Variants in KIF3B observed in about 807,000 individuals in gnomAD.
KIF3B encodes kinesin family member 3B.
KIF3B carries 38 observed loss-of-function variants against 74.3 expected under a neutral mutation model. The observed-to-expected ratio is 0.51, with a 90% CI of 0.39 to 0.67. The LOEUF (loss-of-function observed/expected upper bound fraction) is 0.67, where lower values mean the gene tolerates loss of function less well. KIF3B is among the 30% of genes least tolerant of loss of function. The pLI, the probability that KIF3B is intolerant of heterozygous loss-of-function variation, is 0.00. For synonymous variants in KIF3B, 326 were observed against 342.5 expected (o/e 0.95, Z 0.53); for missense variants, 649 against 932.0 (o/e 0.70, Z 3.95).
intron 1 of KIF3B, among the ~76,000 whole-genome samples, chr20:32,290,493 A>G (rs1391860914): frequency 7.2e-5 from 11 of 152,162 alleles, no homozygotes; most frequent in Admixed American, 6.6e-4. Flanking sequence ...AGGTTTTGCT[A>G]TGGCCCTCTG....
intron 1 of KIF3B, among the ~76,000 whole-genome samples, chr20:32,295,344 G>C (rs1208459345): frequency 6.6e-6 from 1 of 151,774 alleles, no homozygotes; most frequent in Non-Finnish European, 1.5e-5. Flanking sequence ...CCAGGCTGGA[G>C]TGCAGTGGTG....
Position 32,310,616 on chromosome 20 carries a change from C to T in KIF3B, c.839C>T (p.Ser280Phe). 1.2e-6 allele frequency: 2 copies of T among 1,614,156 alleles called. No individual in the cohort carries two copies. The highest frequency in any genetic ancestry group is 1.7e-6 in the Non-Finnish European group (2 of 1,180,030). The change falls in exon 2 of 9, where the codon TCT becomes TTT. Residue 280 changes from serine to phenylalanine, a missense_variant. Physicochemically the swap from Ser to Phe is radical, Grantham distance 155. Transcript: ENST00000375712. This position sits in a 1 kb window ranked among gnomAD's most constrained non-coding sequence, Gnocchi z 6.5. ...LSLSALGNVI[S>F]ALVDGKSTHI... ...CTTTCCGCTTTGGGTAATGTCATCT[C>T]TGCTCTAGTGGACGGCAAAAGCACT...
At chr20:32,313,262 T>G (rs538504249) in intron 2 of KIF3B, among the ~76,000 whole-genome samples, 85 of 152,262 alleles carry the variant, frequency 5.6e-4, no homozygotes, top group African/African-American at 2.0e-3. Context: ...AAAGGTAGAC[T>G]TGGAAGGCTG....
intron 1 of KIF3B, among the ~76,000 whole-genome samples, chr20:32,285,440 TTC>T (rs2047663179): frequency 6.6e-6 from 1 of 152,220 alleles, no homozygotes; most frequent in Non-Finnish European, 1.5e-5. Context: ...TGCCTCAGTT[TTC>T]TCTCTCTGCC....
chr20:32,292,669 G>A (rs376231310), intron 1 of KIF3B, among the ~76,000 whole-genome samples: 1 of 151,622 alleles, frequency 6.6e-6, no homozygotes, highest in African/African-American at 2.4e-5. Flanking sequence ...GAGGTGGGAC[G>A]ATTGCTTGAG....
chr20:32,292,203 T>C lies in KIF3B; in HGVS notation c.-66+14438T>C, dbSNP rs1364719848. ...ATCCTCCCACCTCAGCCTCCCAAAG[T>C]GCTGGGATTATGGGTGGTGAACCAC... On this transcript the variant is annotated intron_variant, in intron 1 of 8. Transcript: ENST00000375712. 3.9e-5 allele frequency among the ~76,000 whole-genome samples: 6 copies of C among 152,070 alleles called. No individual in the cohort carries two copies. In the South Asian group the frequency reaches 1.2e-3, roughly 31 times the overall value.
At position 32,319,048 on chromosome 20, in the gene KIF3B, C is replaced by G. The variant is rs932082580; in HGVS notation, c.1748+2174C>G. On this transcript the variant is annotated intron_variant, in intron 5 of 8. Coordinates refer to ENST00000375712, the MANE Select transcript of KIF3B (RefSeq NM_004798.4). Reference sequence around the variant, plus strand: ...CAGTCTCAGCACACTGCAACCTCCACCTCCTGGGCTCAAGCGATCCTCCCA... The same window carrying G: ...CAGTCTCAGCACACTGCAACCTCCAGCTCCTGGGCTCAAGCGATCCTCCCA... Among the ~76,000 whole-genome samples, 204 of 151,986 alleles carry G rather than the reference C, an allele frequency of 1.3e-3. 1 individual carries two copies. Among genetic ancestry groups the G allele is most frequent in the African/African-American group, 4.9e-3 (202 of 41,422 alleles).
At chr20:32,316,468 G>A in intron 3 of KIF3B, 59 bp from the exon 4 acceptor site, 4 of 1,607,012 alleles carry the variant, frequency 2.5e-6, no homozygotes, top group Non-Finnish European at 3.4e-6. Context: ...CCTAGCTTGG[G>A]GAACCCAGCA....
At chr20:32,318,736 A>G (rs927234091) in intron 5 of KIF3B, among the ~76,000 whole-genome samples, 2 of 152,220 alleles carry the variant, frequency 1.3e-5, no homozygotes, top group Admixed American at 6.5e-5. Context: ...GTTTATATAC[A>G]TTCCGATTAT....
chr20:32,316,181 C>T (rs775607908), intron 2 of KIF3B, 37 bp from the exon 3 acceptor site: 25 of 1,194,978 alleles, frequency 2.1e-5, no homozygotes, highest in Admixed American at 6.8e-5. Flanking sequence ...TGAGAGAAAC[C>T]GTTCATGAGA....
intron 1 of KIF3B, among the ~76,000 whole-genome samples, chr20:32,280,714 C>CAAAAAAAA (rs34366324): frequency 1.2e-4 from 6 of 51,338 alleles, no homozygotes; most frequent in African/African-American, 1.5e-4. Context: ...GACTCCGTCT[C>CAAAAAAAA]AAAAAAAAAA....
Position 32,330,337 on chromosome 20 carries a change from C to T in KIF3B, c.2147+18C>T, listed in dbSNP as rs2047924422. 2 of 1,609,582 alleles carry T rather than the reference C, an allele frequency of 1.2e-6. No homozygotes were observed. The highest frequency in any genetic ancestry group is 1.1e-5 in the South Asian group (1 of 90,572). On this transcript the variant is annotated intron_variant, in intron 8 of 8. Coordinates refer to ENST00000375712, the MANE Select transcript of KIF3B (RefSeq NM_004798.4). Reference sequence around the variant, plus strand: ...AAGGCCAGGTGAGTGGCTTTGATGACGTGTGTTTAAACAGAACATGTTTGA... The same window carrying T: ...AAGGCCAGGTGAGTGGCTTTGATGATGTGTGTTTAAACAGAACATGTTTGA...
At chr20:32,308,471 C>T (rs1481108215) in intron 1 of KIF3B, among the ~76,000 whole-genome samples, 1 of 152,168 alleles carries the variant, frequency 6.6e-6, no homozygotes, top group Admixed American at 6.5e-5. Flanking sequence ...AGTGCAGTGG[C>T]GCAGTCTTGG....
chr20:32,293,225 G>A (rs1308469740), intron 1 of KIF3B, among the ~76,000 whole-genome samples: 3 of 152,200 alleles, frequency 2.0e-5, no homozygotes, highest in Non-Finnish European at 4.4e-5. Flanking sequence ...CTGCACTCCA[G>A]CCTGGGCAAC....
intron 1 of KIF3B, among the ~76,000 whole-genome samples, chr20:32,286,316 A>G (rs2047667322): frequency 6.6e-6 from 1 of 152,220 alleles, no homozygotes; most frequent in South Asian, 2.1e-4. Flanking sequence ...CTAGCAGCTT[A>G]GCAGACTACA....
chr20:32,323,194 A>G (rs942695138), intron 5 of KIF3B, among the ~76,000 whole-genome samples: 4 of 127,946 alleles, frequency 3.1e-5, no homozygotes, highest in Non-Finnish European at 6.3e-5. Flanking sequence ...ATATATTTAT[A>G]TTTATATATA....
chr20:32,300,068 A>G (rs2047735926), intron 1 of KIF3B, among the ~76,000 whole-genome samples: 1 of 147,896 alleles, frequency 6.8e-6, no homozygotes, highest in South Asian at 2.2e-4. Context: ...GAGCCGCCAC[A>G]CTGGCCTGTT....
At chr20:32,279,827 G>A (rs1186533387) in intron 1 of KIF3B, among the ~76,000 whole-genome samples, 1 of 152,170 alleles carries the variant, frequency 6.6e-6, no homozygotes, top group Non-Finnish European at 1.5e-5. Context: ...TAAAATGAGG[G>A]GACTAGGCTA....
At chr20:32,314,107 C>T (rs1393572804) in intron 2 of KIF3B, among the ~76,000 whole-genome samples, 2 of 152,188 alleles carry the variant, frequency 1.3e-5, no homozygotes, top group Non-Finnish European at 2.9e-5. Context: ...AACAACCCCT[C>T]AGAGAAAGTT....
Sources: allele counts gnomAD v4.1 joint callset (sites outside exome capture counted in the v4.1 genomes callset), GRCh38; gene constraint gnomAD v4.1.1; non-coding constraint Gnocchi (gnomAD v3.1); transcripts MANE v1.5; gene names NCBI Gene and HGNC (gene_info 2026-07-23, HGNC 2026-07-21).